CSPP1: variants seen among roughly 807,000 people sequenced by gnomAD.
The protein encoded by CSPP1 is centrosome and spindle pole-associated protein 1.
CSPP1 carries 126 observed loss-of-function variants against 164.4 expected under a neutral mutation model. The ratio of observed to expected loss-of-function variants is 0.77; its 90% CI spans 0.66 to 0.89. CSPP1 has a LOEUF of 0.89. Ranked by LOEUF, CSPP1 falls within the 40% of genes least tolerant of loss-of-function variation. The pLI is 0.00. For synonymous variants in CSPP1, 472 were observed against 476.7 expected (o/e 0.99, Z 0.13); for missense variants, 1,395 against 1,449.8 (o/e 0.96, Z 0.61).
intron 17 of CSPP1, among the ~76,000 whole-genome samples, chr8:67,138,027 T>C (rs941883675): frequency 1.3e-5 from 2 of 152,202 alleles, no homozygotes; most frequent in Non-Finnish European, 2.9e-5. Flanking sequence ...AATTTATCTA[T>C]GCAATATACC....
chr8:67,175,280 A>G lies in CSPP1; in HGVS notation c.2969-16A>G, dbSNP rs1831337565. The G allele has an allele frequency of 3.1e-6, 5 of 1,590,500 alleles. 1 individual carries two copies. Among genetic ancestry groups the G allele is most frequent in the South Asian group, 2.2e-5 (2 of 89,390 alleles). On this transcript the variant is annotated splice_polypyrimidine_tract_variant and intron_variant, in intron 25 of 30. Coordinates refer to ENST00000678616, the MANE Select transcript of CSPP1 (RefSeq NM_001382391.1). ...ACAACATTTAACTTAGTTATATAAC[A>G]TATTTTTTATACCAGATTCAGAAAC...
rs780353755 is a variant in CSPP1 at position 67,131,947 on chromosome 8, G to A, written c.1698-4G>A. 7.5e-6 allele frequency: 12 copies of A among 1,591,310 alleles called. No homozygotes were observed. Among genetic ancestry groups the A allele is most frequent in the South Asian group, 1.1e-5 (1 of 87,280 alleles). On this transcript the variant is annotated splice_region_variant and splice_polypyrimidine_tract_variant and intron_variant, in intron 15 of 30. Coordinates refer to ENST00000678616, the MANE Select transcript of CSPP1 (RefSeq NM_001382391.1). ...TTAAATTATTTATTGTGTATTTGAT[G>A]TAGGAATACGGTTGGACAGAATGAA...
In CSPP1 at chr8:67,116,072, A is replaced by T; in HGVS notation, c.1446A>T (p.Glu482Asp). 6.2e-7 allele frequency: 1 copy of T among 1,614,096 alleles called. No homozygotes were observed. Among genetic ancestry groups the T allele is most frequent in the Non-Finnish European group, 8.5e-7 (1 of 1,180,014 alleles). ...TTCATCCTGTTCCTTCTCAAAATGA[A>T]GATTTGCGCAGTGGACTCAGCAGCG... ...PSVHPVPSQN[E>D]DLRSGLSSAL... The change falls in exon 13 of 31, where the codon GAA (glutamate) becomes GAT (aspartate). Residue 482 changes from glutamate to aspartate, a missense_variant. By Grantham distance (45) the Glu-to-Asp change is conservative. Coordinates refer to ENST00000678616, the MANE Select transcript of CSPP1 (RefSeq NM_001382391.1).
chr8:67,124,724 C>T (rs964685732), intron 15 of CSPP1, among the ~76,000 whole-genome samples: 1 of 152,124 alleles, frequency 6.6e-6, no homozygotes, highest in Non-Finnish European at 1.5e-5. Flanking sequence ...CTCTGTCACC[C>T]AGGCTGGAGT....
At chr8:67,191,712 A>C (rs1316962526) in intron 29 of CSPP1, among the ~76,000 whole-genome samples, 7 of 152,230 alleles carry the variant, frequency 4.6e-5, no homozygotes, top group Non-Finnish European at 1.0e-4. Context: ...TAGTATGGAT[A>C]CTATTAATGT....
intron 10 of CSPP1, among the ~76,000 whole-genome samples, chr8:67,112,445 A>G (rs1301401984): frequency 6.6e-6 from 1 of 151,530 alleles, no homozygotes; most frequent in African/African-American, 2.4e-5. Context: ...ACATACATGC[A>G]AAAAAAATTG....
chr8:67,098,542 G>A (rs955755203), intron 7 of CSPP1, among the ~76,000 whole-genome samples: 7 of 151,848 alleles, frequency 4.6e-5, no homozygotes, highest in African/African-American at 1.7e-4. Context: ...AATTAACAAG[G>A]TGGTTAACAC....
intron 1 of CSPP1, among the ~76,000 whole-genome samples, chr8:67,066,277 A>G (rs533233504): frequency 1.3e-5 from 2 of 152,284 alleles, no homozygotes; most frequent in East Asian, 1.9e-4. Flanking sequence ...TGGTGTACCC[A>G]TGGGAGGAAG....
chr8:67,108,520 C>A (rs1816126338), intron 9 of CSPP1, among the ~76,000 whole-genome samples: 1 of 152,072 alleles, frequency 6.6e-6, no homozygotes, highest in Admixed American at 6.5e-5. Context: ...AATTCTCTAT[C>A]TTGTCCTTCG....
At chr8:67,099,818 G>C (rs1813643366) in intron 7 of CSPP1, among the ~76,000 whole-genome samples, 1 of 151,922 alleles carries the variant, frequency 6.6e-6, no homozygotes, top group Admixed American at 6.6e-5. Flanking sequence ...AAAATTGTAG[G>C]GATATTTTAA....
intron 9 of CSPP1, among the ~76,000 whole-genome samples, chr8:67,109,406 A>G (rs1816347030): frequency 6.6e-6 from 1 of 152,222 alleles, no homozygotes; most frequent in African/African-American, 2.4e-5. Flanking sequence ...CTTTCACCTG[A>G]TTATATCAGG....
rs189301365 is a variant in CSPP1, at chr8:67,082,434, C to G, written c.200-3573C>G. ...CAGATACTCTTCTACAGTTTTTATT[C>G]ATTTTGTATGAGTGAAATGGGTCCT... is the stretch of plus-strand genomic sequence containing the variant. On this transcript the variant is annotated intron_variant, in intron 3 of 30. Transcript: ENST00000678616. Among the ~76,000 whole-genome samples, 8 of 152,236 alleles carry G rather than the reference C, an allele frequency of 5.3e-5. No individual in the cohort carries two copies. The East Asian group carries it at 9.7e-4, about 18-fold the overall frequency.
intron 7 of CSPP1, among the ~76,000 whole-genome samples, chr8:67,097,923 A>G (rs963268196): frequency 2.6e-5 from 4 of 151,734 alleles, no homozygotes; most frequent in Admixed American, 6.6e-5. Context: ...CAATATATAA[A>G]TCATATTTTT....
At chr8:67,176,825 G>A (rs1485765131) in intron 26 of CSPP1, among the ~76,000 whole-genome samples, 9 of 152,058 alleles carry the variant, frequency 5.9e-5, no homozygotes, top group East Asian at 1.9e-4. Context: ...TAATCCCAGC[G>A]CTTTGGGAGG....
chr8:67,150,213 G>T (rs1825444871), intron 18 of CSPP1, among the ~76,000 whole-genome samples: 1 of 151,862 alleles, frequency 6.6e-6, no homozygotes. Flanking sequence ...TTGCTAGTGG[G>T]GGACATTTCT....
At position 67,154,128 on chromosome 8, in the gene CSPP1, C is replaced by A; in HGVS notation, c.2233C>A (p.Arg745Ser). The A allele has an allele frequency of 6.7e-7, 1 of 1,481,786 alleles. No homozygotes were observed. The highest frequency in any genetic ancestry group is 9.4e-7 in the Non-Finnish European group (1 of 1,062,048). The allele number at this position is 1,481,786 out of a possible 1,614,324, so 91.8% of individuals were successfully genotyped here. A position where few individuals can be genotyped will look rare whatever the true frequency, so the allele number is the denominator to read the frequency against. ...GCAAGAATTATACAAGAATTTTCTTCGTTTCCAGGTGAAATGCTATTTGAT... is the reference window on the plus strand; with the variant it reads ...GCAAGAATTATACAAGAATTTTCTTAGTTTCCAGGTGAAATGCTATTTGAT... ...KQQELYKNFL[R>S]FQIEEKKQRE... Residue 745 changes from arginine (R) to serine (S), a missense_variant, in exon 19 of 31, where the codon CGT (arginine) becomes AGT (serine). Transcript: ENST00000678616.
chr8:67,172,211 G>T (rs907130357), intron 24 of CSPP1, among the ~76,000 whole-genome samples: 1 of 147,054 alleles, frequency 6.8e-6, no homozygotes, highest in African/African-American at 2.5e-5. Flanking sequence ...GGCCAGGCTG[G>T]TATTGAACTC....
intron 28 of CSPP1, among the ~76,000 whole-genome samples, chr8:67,183,836 A>G (rs1287309454): frequency 6.7e-6 from 1 of 149,948 alleles, no homozygotes; most frequent in Non-Finnish European, 1.5e-5. Context: ...TATGTAAAAA[A>G]TTGGGAATTT....
At chr8:67,082,878 T>G (rs1809500863) in intron 3 of CSPP1, among the ~76,000 whole-genome samples, 1 of 152,206 alleles carries the variant, frequency 6.6e-6, no homozygotes, top group African/African-American at 2.4e-5. Flanking sequence ...AATGCTTTAC[T>G]TGCTGCTAGA....
Sources: gnomAD v4.1 joint callset for allele counts (sites outside exome capture counted in the v4.1 genomes callset) on GRCh38, gnomAD v4.1.1 for gene constraint, MANE v1.5 for transcripts, NCBI Gene and HGNC (gene_info 2026-07-23, HGNC 2026-07-21) for gene names.